Variants in MYO18B observed in about 807,000 individuals in gnomAD.
MYO18B encodes the protein myosin XVIIIB, also known as unconventional myosin-XVIIIb.
MYO18B carries 204 observed loss-of-function variants against 273.0 expected under a neutral mutation model. That is an observed-to-expected ratio of 0.75 (90% CI 0.67 to 0.84). The LOEUF (loss-of-function observed/expected upper bound fraction) is 0.84, where lower values mean the gene tolerates loss of function less well. Ranked by LOEUF, MYO18B falls within the 40% of genes least tolerant of loss-of-function variation. The pLI is 0.00. For synonymous variants in MYO18B, 1,330 were observed against 1,305.7 expected (o/e 1.02, Z -0.40); for missense variants, 3,212 against 3,287.6 (o/e 0.98, Z 0.56).
intron 11 of MYO18B, among the ~76,000 whole-genome samples, chr22:25,794,486 A>T (rs5761194): frequency 0.74 from 111,805 of 151,260 alleles, 41,412 homozygotes; most frequent in East Asian, 0.86. Flanking sequence ...ACAGCTGGCC[A>T]TGTTATTATT....
At chr22:25,930,906 CT>C (rs1161731700) in intron 34 of MYO18B, among the ~76,000 whole-genome samples, 1 of 152,178 alleles carries the variant, frequency 6.6e-6, no homozygotes, top group Non-Finnish European at 1.5e-5. Context: ...GCCCGAGGCT[CT>C]CTGTTAGTGC....
intron 39 of MYO18B, among the ~76,000 whole-genome samples, chr22:25,972,948 T>A (rs1239856278): frequency 2.8e-5 from 4 of 143,740 alleles, no homozygotes; most frequent in Non-Finnish European, 6.0e-5. Context: ...AAAGTGACTC[T>A]GTCTCAAAGG....
At chr22:25,808,064 A>G (rs2088564582) in intron 12 of MYO18B, among the ~76,000 whole-genome samples, 1 of 152,028 alleles carries the variant, frequency 6.6e-6, no homozygotes, top group Admixed American at 6.5e-5. Context: ...ATGGCTCCTG[A>G]GACTTTTGCT....
chr22:26,055,416 T>C, the MYO18B span, among the ~76,000 whole-genome samples: 2 of 152,244 alleles, frequency 1.3e-5, no homozygotes, highest in Non-Finnish European at 2.9e-5. Context: ...AGGGCCTGTC[T>C]ACTCTAATCC....
intron 21 of MYO18B, among the ~76,000 whole-genome samples, chr22:25,860,863 G>A (rs779306557): frequency 2.6e-5 from 4 of 151,462 alleles, no homozygotes; most frequent in Non-Finnish European, 5.9e-5. Flanking sequence ...TGATAGTATT[G>A]TTCAAGTCTT....
chr22:25,908,585 A>G (rs1321048965), intron 32 of MYO18B, among the ~76,000 whole-genome samples, 153 bp downstream of exon 32: 1 of 152,182 alleles, frequency 6.6e-6, no homozygotes, highest in African/African-American at 2.4e-5. Flanking sequence ...AGTGACTTCA[A>G]AGGTGTAGGA....
chr22:25,850,083 G>T (rs1010935194), intron 20 of MYO18B, among the ~76,000 whole-genome samples: 1 of 152,158 alleles, frequency 6.6e-6, no homozygotes, highest in Non-Finnish European at 1.5e-5. Flanking sequence ...TGTGCTGTCT[G>T]CATCCTTCAA....
chr22:25,970,532 C>T (rs1569249672), intron 39 of MYO18B, among the ~76,000 whole-genome samples: 1 of 152,234 alleles, frequency 6.6e-6, no homozygotes, highest in East Asian at 1.9e-4. Context: ...CATCTTGCTG[C>T]ATGTCACCTC....
At chr22:25,876,397 A>G (rs2091199752) in intron 24 of MYO18B, 65 bp downstream of exon 24, 1 of 1,509,636 alleles carries the variant, frequency 6.6e-7, no homozygotes, top group Non-Finnish European at 8.9e-7. Flanking sequence ...TCCTGTTTGC[A>G]TCTAGCACCC....
the MYO18B span, among the ~76,000 whole-genome samples, chr22:26,053,017 C>A: frequency 6.6e-6 from 1 of 151,924 alleles, no homozygotes; most frequent in Non-Finnish European, 1.5e-5. Flanking sequence ...CTGTGTTAGC[C>A]GGGATGGTCT....
intron 42 of MYO18B, among the ~76,000 whole-genome samples, chr22:26,020,137 T>C (rs1029170841): frequency 1.3e-5 from 2 of 152,128 alleles, no homozygotes; most frequent in African/African-American, 4.8e-5. Context: ...GAGCCTCAGT[T>C]TCCTCATTTG....
At chr22:25,991,023 G>A (rs1184385575) in intron 39 of MYO18B, among the ~76,000 whole-genome samples, 1 of 117,316 alleles carries the variant, frequency 8.5e-6, no homozygotes, top group Non-Finnish European at 1.8e-5. Context: ...GATACTGCTC[G>A]GATCTATTCC....
Position 25,971,715 on chromosome 22 carries a change from A to G in MYO18B, c.6156+16351A>G, listed in dbSNP as rs1238778764. Among the ~76,000 whole-genome samples the G allele has an allele frequency of 2.0e-5, 3 of 152,222 alleles. No homozygotes were observed. The East Asian group carries it at 5.8e-4, about 29-fold the overall frequency. On this transcript the variant is annotated intron_variant, in intron 39 of 43. Coordinates refer to ENST00000335473, the MANE Select transcript of MYO18B (RefSeq NM_032608.7). ...CGGCCTCAGTTAGGAAATCCCAAGT[A>G]TGCAAATTAAGATTCTGTTTATGCA...
At chr22:25,744,728 G>A (rs372427090) in intron 1 of MYO18B, among the ~76,000 whole-genome samples, 190 of 152,154 alleles carry the variant, frequency 1.2e-3, no homozygotes, top group African/African-American at 4.3e-3. Flanking sequence ...GAGAGACTCC[G>A]TCTCAAAAAT....
intron 42 of MYO18B, among the ~76,000 whole-genome samples, chr22:26,010,516 G>A (rs1008941519): frequency 2.0e-5 from 3 of 152,132 alleles, no homozygotes; most frequent in South Asian, 4.1e-4. Flanking sequence ...TACAGTCTCC[G>A]AGTCTCAGCC....
chr22:26,008,408 C>A (rs189282100), intron 42 of MYO18B, among the ~76,000 whole-genome samples: 6 of 152,150 alleles, frequency 3.9e-5, no homozygotes, highest in Non-Finnish European at 7.3e-5. Flanking sequence ...TTACCTGGTG[C>A]ATGGGAAGAC....
At chr22:26,031,587 A>G (rs1275345142), downstream of MYO18B, among the ~76,000 whole-genome samples, 2 of 152,182 alleles carry the variant, frequency 1.3e-5, no homozygotes, top group Non-Finnish European at 2.9e-5. Flanking sequence ...CACTTTATGA[A>G]GTACTGCGGG....
At chr22:25,766,040 A>G (rs2086493984) in intron 3 of MYO18B, among the ~76,000 whole-genome samples, 1 of 152,166 alleles carries the variant, frequency 6.6e-6, no homozygotes, top group African/African-American at 2.4e-5. Flanking sequence ...GTCACAACCC[A>G]GGCAGACTCA....
chr22:26,053,515 C>A, the MYO18B span, among the ~76,000 whole-genome samples: 2 of 152,210 alleles, frequency 1.3e-5, no homozygotes, highest in African/African-American at 4.8e-5. Flanking sequence ...CGTCTTATTA[C>A]TGTAATCTAT....
Sources: allele counts gnomAD v4.1 joint callset (sites outside exome capture counted in the v4.1 genomes callset), GRCh38; gene constraint gnomAD v4.1.1; transcripts MANE v1.5; gene names NCBI Gene and HGNC (gene_info 2026-07-23, HGNC 2026-07-21).